The following HS3ST2 variants were observed in gnomAD, a reference collection of about 807,000 sequenced individuals.
HS3ST2 encodes heparan sulfate glucosamine 3-O-sulfotransferase 2.
A neutral mutation model predicts 26.3 loss-of-function variants in HS3ST2; 17 were observed. That is an observed-to-expected ratio of 0.65 (90% CI 0.44 to 0.97). The LOEUF (loss-of-function observed/expected upper bound fraction) is 0.97. Among genes scored for constraint, HS3ST2 ranks in the 50% least tolerant of loss-of-function variants. The probability of loss-of-function intolerance (pLI) is 0.00; values close to 1 mark genes in which losing one functional copy is unlikely to be tolerated. For missense variants in HS3ST2, 402 were observed against 501.2 expected (o/e 0.80, Z 1.89); for synonymous variants, 237 against 219.2 (o/e 1.08, Z -0.72).
intron 1 of HS3ST2, among the ~76,000 whole-genome samples, chr16:22,910,561 C>G (rs1049732620): frequency 6.6e-6 from 1 of 152,130 alleles, no homozygotes; most frequent in South Asian, 2.1e-4. Flanking sequence ...ACAATGTACT[C>G]AATACTACTT....
chr16:22,844,875 G>A (rs1169012809), intron 1 of HS3ST2, among the ~76,000 whole-genome samples: 2 of 149,356 alleles, frequency 1.3e-5, no homozygotes, highest in African/African-American at 4.9e-5. Flanking sequence ...TTTTTTTTGA[G>A]ATGGAGTCTC....
intron 1 of HS3ST2, among the ~76,000 whole-genome samples, chr16:22,853,062 A>T (rs574220297): frequency 5.3e-5 from 8 of 152,314 alleles, no homozygotes; most frequent in Admixed American, 5.2e-4. Context: ...TTAACTTTGC[A>T]TATAGCAGCA....
At chr16:22,825,728 CAAAAT>C (rs1396112538) in intron 1 of HS3ST2, among the ~76,000 whole-genome samples, 1 of 152,096 alleles carries the variant, frequency 6.6e-6, no homozygotes. Flanking sequence ...AGTCGAATCA[CAAAAT>C]AAAGTGGTTG....
chr16:22,863,159 C>T (rs1901702648), intron 1 of HS3ST2, among the ~76,000 whole-genome samples: 1 of 152,206 alleles, frequency 6.6e-6, no homozygotes, highest in South Asian at 2.1e-4. Context: ...GAACTCATGA[C>T]ACATGTTTGA....
chr16:22,914,776 A>G (rs1189735772), intron 1 of HS3ST2, among the ~76,000 whole-genome samples, 168 bp from the exon 2 acceptor site: 1 of 150,392 alleles, frequency 6.6e-6, no homozygotes, highest in Non-Finnish European at 1.5e-5. Context: ...AGAAGAAAAG[A>G]AAATCAACAA....
At chr16:22,852,654 T>A (rs955856690) in intron 1 of HS3ST2, among the ~76,000 whole-genome samples, 3 of 152,140 alleles carry the variant, frequency 2.0e-5, no homozygotes, top group Non-Finnish European at 4.4e-5. Flanking sequence ...CCCCTCTCTG[T>A]CACATTCATT....
chr16:22,873,886 G>C (rs1901872597), intron 1 of HS3ST2, among the ~76,000 whole-genome samples: 3 of 152,172 alleles, frequency 2.0e-5, no homozygotes, highest in South Asian at 4.1e-4. Flanking sequence ...TTGGTCCAGA[G>C]TGCTTGAGAT....
chr16:22,910,499 C>G (rs1275790494), intron 1 of HS3ST2, among the ~76,000 whole-genome samples: 1 of 152,160 alleles, frequency 6.6e-6, no homozygotes, highest in East Asian at 1.9e-4. Flanking sequence ...TAAGAAAATC[C>G]AGCCAAAGAA....
At chr16:22,833,427 T>C (rs994484432) in intron 1 of HS3ST2, 17 of 425,894 alleles carry the variant, frequency 4.0e-5, no homozygotes, top group African/African-American at 2.8e-4. Context: ...GGAGCACGTA[T>C]AGCTGGAGAA....
chr16:22,909,996 C>T (rs1902403361), intron 1 of HS3ST2, among the ~76,000 whole-genome samples: 1 of 130,382 alleles, frequency 7.7e-6, no homozygotes, highest in Admixed American at 9.3e-5. Context: ...GAGATTGTGC[C>T]ATTGCACTCC....
intron 1 of HS3ST2, among the ~76,000 whole-genome samples, chr16:22,911,178 T>A (rs1902420895): frequency 6.6e-6 from 1 of 152,184 alleles, no homozygotes; most frequent in Admixed American, 6.5e-5. Flanking sequence ...TTTTCTCCAG[T>A]GCTGTTTGGC....
At chr16:22,887,509 A>G (rs1429083177) in intron 1 of HS3ST2, among the ~76,000 whole-genome samples, 2 of 152,186 alleles carry the variant, frequency 1.3e-5, no homozygotes, top group African/African-American at 4.8e-5. Context: ...TGACCTTCAC[A>G]TATCATCACC....
chr16:22,891,778 A>G (rs1232857282), intron 1 of HS3ST2, among the ~76,000 whole-genome samples: 1 of 152,106 alleles, frequency 6.6e-6, no homozygotes, highest in African/African-American at 2.4e-5. Flanking sequence ...GTTCTTATGT[A>G]TCATGCAGTA....
chr16:22,863,153 T>G (rs746411801), intron 1 of HS3ST2, among the ~76,000 whole-genome samples: 3 of 152,214 alleles, frequency 2.0e-5, no homozygotes, highest in Non-Finnish European at 4.4e-5. Flanking sequence ...TGAACAGAAC[T>G]CATGACACAT....
intron 1 of HS3ST2, among the ~76,000 whole-genome samples, chr16:22,875,858 T>A (rs749695293): frequency 1.4e-4 from 22 of 152,224 alleles, no homozygotes; most frequent in Non-Finnish European, 1.5e-4. Context: ...TTACTGTTCT[T>A]TTCCTGTATT....
chr16:22,871,957 G>A (rs748973606), intron 1 of HS3ST2, among the ~76,000 whole-genome samples: 6 of 152,194 alleles, frequency 3.9e-5, no homozygotes, highest in Non-Finnish European at 7.4e-5. Flanking sequence ...GTGACCAGGC[G>A]TACATACATT....
chr16:22,913,121 A>AG (rs1475063325), intron 1 of HS3ST2, among the ~76,000 whole-genome samples: 22 of 110,636 alleles, frequency 2.0e-4, no homozygotes, highest in Middle Eastern at 4.0e-3. Context: ...AAGAGAAGAA[A>AG]GAAAGGAAGG....
Position 22,891,104 on chromosome 16 carries a change from T to A in HS3ST2, c.486-23840T>A, listed in dbSNP as rs535001617. ...ACTTCCTGAACCCTAGGGGAAAGCA[T>A]TGGGTATGTTCTGAGGCTGTGTACT... is the stretch of plus-strand genomic sequence containing the variant. On this transcript the variant is annotated intron_variant, in intron 1 of 1. Coordinates refer to ENST00000261374, the MANE Select transcript of HS3ST2 (RefSeq NM_006043.2). Among the ~76,000 whole-genome samples the A allele has an allele frequency of 8.5e-5, 13 of 152,322 alleles. No individual in the cohort carries two copies. In the East Asian group the frequency reaches 2.3e-3, roughly 27 times the overall value.
intron 1 of HS3ST2, among the ~76,000 whole-genome samples, chr16:22,885,944 G>A (rs555929867): frequency 6.6e-6 from 1 of 152,258 alleles, no homozygotes; most frequent in African/African-American, 2.4e-5. Context: ...CAAGGGTCAG[G>A]CCATCAGAAA....
Sources: allele counts gnomAD v4.1 joint callset (sites outside exome capture counted in the v4.1 genomes callset), GRCh38; gene constraint gnomAD v4.1.1; transcripts MANE v1.5; gene names NCBI Gene and HGNC (gene_info 2026-07-23, HGNC 2026-07-21).